Variants in ACAP3 observed in about 807,000 individuals in gnomAD.
ACAP3 encodes arf-GAP with coiled-coil, ANK repeat and PH domain-containing protein 3.
Under a neutral mutation model 104.1 loss-of-function variants are expected in ACAP3, and 56 were observed. The observed-to-expected ratio is 0.54, with a 90% CI of 0.43 to 0.67. ACAP3 has a LOEUF of 0.67. ACAP3 is among the 30% of genes least tolerant of loss of function. ACAP3 has a pLI of 0.00. For missense variants in ACAP3, 1,208 were observed against 1,174.9 expected, an observed-to-expected ratio of 1.03 and a Z score of -0.41; for synonymous variants, 628 against 496.2, an observed-to-expected ratio of 1.27 and a Z score of -3.53.
intron 5 of ACAP3, chr1:1,301,426 AT>A (rs70949569): frequency 0.08 from 8,825 of 109,872 alleles, 307 homozygotes; most frequent in African/African-American, 0.18. Flanking sequence ...TGCCCATCTA[AT>A]TTTTTTTTTT....
Position 1,307,282 on chromosome 1 carries a change from C to T in ACAP3, c.47+487G>A, listed in dbSNP as rs1641772116. 4.7e-6 allele frequency: 6 copies of T among 1,288,764 alleles called. No individual in the cohort carries two copies. In the South Asian group the frequency reaches 6.2e-5, roughly 13 times the overall value. 79.8% of individuals were successfully genotyped at this position (1,288,764 alleles called of 1,614,324 possible). A position where few individuals can be genotyped will look rare whatever the true frequency, so the allele number is the denominator to read the frequency against. On this transcript the variant is annotated intron_variant, in intron 1 of 23. Coordinates refer to ENST00000354700, the MANE Select transcript of ACAP3 (RefSeq NM_030649.3). ...CTTCCCCGCCGCTCTTCTCGGCCGC[C>T]ACCCCTCCAAGCCCCTGGGTCATTC...
At chr1:1,302,101 TGGAAGG>T (rs1641470958) in intron 4 of ACAP3, 55 bp from the exon 5 acceptor site, 1 of 1,393,094 alleles carries the variant, frequency 7.2e-7, no homozygotes. Context: ...GAGCCCCAGA[TGGAAGG>T]CCCCATCCTC....
At chr1:1,294,927 A>G in intron 19 of ACAP3, 111 bp from the exon 20 acceptor site, 1 of 1,096,102 alleles carries the variant, frequency 9.1e-7, no homozygotes, top group Non-Finnish European at 1.3e-6. Flanking sequence ...CCCTAGGGAC[A>G]GGACCAGCTC....
intron 10 of ACAP3, 109 bp from the exon 11 acceptor site, chr1:1,298,788 C>G (rs1166969401): frequency 1.1e-5 from 9 of 798,344 alleles, no homozygotes; most frequent in Admixed American, 2.3e-5. Flanking sequence ...GGCTGCCACA[C>G]GGCCCACGGA....
At chr1:1,300,313 C>A (rs764653527) in intron 6 of ACAP3, 111 bp from the exon 7 acceptor site, 6 of 1,365,276 alleles carry the variant, frequency 4.4e-6, no homozygotes, top group South Asian at 2.9e-5. Context: ...ACCCCCAGGT[C>A]GTCTTCAGCT....
Position 1,296,202 on chromosome 1 carries a change from C to T in ACAP3, c.1407+9G>A. On this transcript the variant is annotated intron_variant, in intron 16 of 23. Transcript: ENST00000354700. Reference sequence around the variant, plus strand: ...GGGGTCCCGTGGCCTCCAGGAGCCCCACACGCACCTTTAGCAGCTCAGGCT... The same window carrying T: ...GGGGTCCCGTGGCCTCCAGGAGCCCTACACGCACCTTTAGCAGCTCAGGCT... 6.3e-7 allele frequency: 1 copy of T among 1,583,332 alleles called. No homozygotes were observed. Among genetic ancestry groups the T allele is most frequent in the Non-Finnish European group, 8.6e-7 (1 of 1,164,196 alleles).
At position 1,297,952 on chromosome 1, in the gene ACAP3, C is replaced by T. The variant is rs111910661; in HGVS notation, c.1017-19G>A. On this transcript the variant is annotated intron_variant, in intron 13 of 23. Coordinates refer to ENST00000354700, the MANE Select transcript of ACAP3 (RefSeq NM_030649.3). Reference sequence around the variant, plus strand: ...GCAGCTCCTGCAGGCAGTGGAGGGGCGGGCGTCAGCTCCGGTGGGCAGGTA... The same window carrying T: ...GCAGCTCCTGCAGGCAGTGGAGGGGTGGGCGTCAGCTCCGGTGGGCAGGTA... 0.013 allele frequency: 20,158 copies of T among 1,610,922 alleles called. 228 individuals are homozygous for T. Among genetic ancestry groups the T allele is most frequent in the Admixed American group, 0.045 (2,682 of 59,836 alleles).
chr1:1,300,000 G>C lies in ACAP3; in HGVS notation c.636C>G (p.Asp212Glu). 1 of 1,612,228 alleles carries C rather than the reference G, an allele frequency of 6.2e-7. No homozygotes were observed. The highest frequency in any genetic ancestry group is 8.5e-7 in the Non-Finnish European group (1 of 1,179,612). ...CGGCTGCCAGCTTCTTCATGTAGGG[G>C]TCCAGCTGGTGCAGGAGGCTGTAGC... ...QQGYSLLHQL[D>E]PYMKKLAAEL... Residue 212 changes from aspartate to glutamate, a missense_variant, in exon 8 of 24, where the codon GAC becomes GAG. By Grantham distance (45) the Asp-to-Glu change is conservative. Coordinates refer to ENST00000354700, the MANE Select transcript of ACAP3 (RefSeq NM_030649.3).
At chr1:1,302,812 A>AGAGGAGCAGAAACGTGCCCCCCCCAACCC in intron 4 of ACAP3, 110 bp downstream of exon 4, 1 of 140,660 alleles carries the variant, frequency 7.1e-6, no homozygotes, top group Non-Finnish European at 1.5e-5. Context: ...CCCCCCGACT[A>AGAGGAGCAGAAACGTGCCCCCCCCAACCC]GAGGAGCAGA....
chr1:1,306,942 G>A (rs1031106833), intron 1 of ACAP3: 11 of 387,292 alleles, frequency 2.8e-5, no homozygotes, highest in African/African-American at 2.1e-4. Context: ...GCACAGCCCC[G>A]TGGCACAGCT....
At chr1:1,304,292 CAG>C in intron 1 of ACAP3, 149 bp from the exon 2 acceptor site, 3 of 968,692 alleles carry the variant, frequency 3.1e-6, no homozygotes, top group Non-Finnish European at 3.1e-6. Context: ...GCTACGGGGG[CAG>C]GACTGGGACC....
At chr1:1,294,851 G>C (rs565771451) in intron 19 of ACAP3, 35 bp from the exon 20 acceptor site, 33 of 1,545,102 alleles carry the variant, frequency 2.1e-5, no homozygotes, top group Non-Finnish European at 2.6e-5. Context: ...CCTGAGGGTG[G>C]GAGGCCCAGA....
At position 1,298,354 on chromosome 1, in the gene ACAP3, C is replaced by T; in HGVS notation, c.915+16G>A. ...CGTCCAGCCATCAGGGCCCCAGCCC[C>T]AGGCCCAGGGCACACCTTGAGCTTC... On this transcript the variant is annotated intron_variant, in intron 12 of 23. Coordinates refer to ENST00000354700, the MANE Select transcript of ACAP3 (RefSeq NM_030649.3). 1.2e-6 allele frequency: 2 copies of T among 1,605,966 alleles called. No homozygotes were observed. Among genetic ancestry groups the T allele is most frequent in the Non-Finnish European group, 1.7e-6 (2 of 1,176,080 alleles).
chr1:1,298,242 C>T, intron 12 of ACAP3, 128 bp downstream of exon 12: 1 of 1,580,460 alleles, frequency 6.3e-7, no homozygotes, highest in Non-Finnish European at 8.6e-7. Flanking sequence ...GCTCTCTGCT[C>T]CCTGACTGTT....
chr1:1,293,525 C>T lies in ACAP3; in HGVS notation c.*39G>A. On this transcript the variant is annotated 3_prime_UTR_variant, in exon 24 of 24. Coordinates refer to ENST00000354700, the MANE Select transcript of ACAP3 (RefSeq NM_030649.3). ...AGGGACTTCGGGGCATGCGGGGCGT[C>T]GGGCCGGGCGGGGTGGCAGCTGCCC... 3.6e-6 allele frequency: 5 copies of T among 1,401,904 alleles called. No individual in the cohort carries two copies. Among genetic ancestry groups the T allele is most frequent in the African/African-American group, 1.6e-5 (1 of 64,382 alleles). The allele number at this position is 1,401,904 out of a possible 1,614,324, so 86.8% of individuals were successfully genotyped here. A position where few individuals can be genotyped will look rare whatever the true frequency, so the allele number is the denominator to read the frequency against.
At chr1:1,306,081 C>A (rs867418846) in intron 1 of ACAP3, among the ~76,000 whole-genome samples, 9 of 152,206 alleles carry the variant, frequency 5.9e-5, no homozygotes, top group Non-Finnish European at 8.8e-5. Context: ...ACCCACTGGG[C>A]CAGGCCATTC....
At chr1:1,306,659 C>T (rs567022858) in intron 1 of ACAP3, among the ~76,000 whole-genome samples, 15 of 152,326 alleles carry the variant, frequency 9.8e-5, no homozygotes, top group South Asian at 4.1e-4. Context: ...AGACCCAGCG[C>T]GCGCGTGCAC....
At chr1:1,304,535 T>A in intron 1 of ACAP3, 1 of 305,236 alleles carries the variant, frequency 3.3e-6, no homozygotes, top group South Asian at 3.4e-5. Flanking sequence ...GCACCTCCCC[T>A]CACCCCACTG....
intron 7 of ACAP3, 45 bp from the exon 8 acceptor site, chr1:1,300,113 C>T (rs533581990): frequency 1.2e-6 from 2 of 1,607,654 alleles, no homozygotes; most frequent in South Asian, 1.1e-5. Context: ...CCGGTCCAGC[C>T]CCCAACATGC....
Sources: allele counts gnomAD v4.1 joint callset (sites outside exome capture counted in the v4.1 genomes callset), GRCh38; gene constraint gnomAD v4.1.1; transcripts MANE v1.5; gene names NCBI Gene and HGNC (gene_info 2026-07-23, HGNC 2026-07-21).